The following GRIN2A variants were observed in gnomAD, a reference collection of about 807,000 sequenced individuals.
GRIN2A encodes glutamate ionotropic receptor NMDA type subunit 2A, also known as glutamate receptor ionotropic, NMDA 2A.
GRIN2A carries 22 observed loss-of-function variants against 113.4 expected under a neutral mutation model. The observed-to-expected ratio is 0.19, with a 90% confidence interval of 0.14 to 0.28. GRIN2A has a LOEUF of 0.28. Among genes scored for constraint, GRIN2A ranks in the 10% least tolerant of loss-of-function variants. The pLI is 1.00. For synonymous variants in GRIN2A, 827 were observed against 738.4 expected (o/e 1.12, Z -1.94); for missense variants, 1,502 against 1,887.0 (o/e 0.80, Z 3.78).
In GRIN2A at chr16:10,099,291, G is replaced by A. The variant is rs1239103765; in HGVS notation, c.414+80707C>T. On this transcript the variant is annotated intron_variant, in intron 2 of 12. Transcript: ENST00000330684. ...AAAGCTTGGTGTTTTCATTCCAGAA[G>A]AAACTCCTTTTAATGCTGCAAGCAG... Among the ~76,000 whole-genome samples the A allele has an allele frequency of 2.0e-5, 3 of 152,180 alleles. No homozygotes were observed. In the East Asian group the frequency reaches 5.8e-4, roughly 29 times the overall value.
intron 2 of GRIN2A, among the ~76,000 whole-genome samples, chr16:10,147,706 G>A (rs1053378204): frequency 6.6e-6 from 1 of 151,556 alleles, no homozygotes; most frequent in African/African-American, 2.4e-5. Context: ...TCATGAGGAG[G>A]ATCACCCCAA....
Position 10,180,854 on chromosome 16 carries a change from C to G in GRIN2A, c.-18-425G>C, listed in dbSNP as rs2050254854. 2.3e-5 allele frequency: 5 copies of G among 215,790 alleles called. No homozygotes were observed. In the South Asian group the frequency reaches 3.2e-4, roughly 14 times the overall value. The allele number at this position is 215,790 out of a possible 1,614,324, so 13.4% of individuals were successfully genotyped here. On this transcript the variant is annotated intron_variant, in intron 1 of 12. Coordinates refer to ENST00000330684, the MANE Select transcript of GRIN2A (RefSeq NM_001134407.3). This position sits in a 1 kb window ranked among gnomAD's most constrained non-coding sequence, Gnocchi z 7.0. ...CCCCTCCCACCTGGGATAGAGAGGA[C>G]CAAGTTATCAACCCCGCCCCCTGCT...
chr16:9,862,318 T>C (rs1448871487), intron 4 of GRIN2A, among the ~76,000 whole-genome samples: 2 of 152,224 alleles, frequency 1.3e-5, no homozygotes, highest in Non-Finnish European at 2.9e-5. Flanking sequence ...ATTGGAGAAG[T>C]AGATTTTTTT....
At chr16:9,899,732 A>G (rs981213892) in intron 3 of GRIN2A, among the ~76,000 whole-genome samples, 7 of 152,124 alleles carry the variant, frequency 4.6e-5, no homozygotes, top group African/African-American at 1.7e-4. Flanking sequence ...CAACTCTAAA[A>G]CACCTAGAAG....
chr16:9,783,687 G>A (rs1463286408), intron 11 of GRIN2A, among the ~76,000 whole-genome samples: 1 of 152,124 alleles, frequency 6.6e-6, no homozygotes, highest in East Asian at 1.9e-4. Flanking sequence ...TAAAACTCAG[G>A]GCAAAGATTC....
At chr16:10,122,545 C>T (rs1214631472) in intron 2 of GRIN2A, among the ~76,000 whole-genome samples, 1 of 152,086 alleles carries the variant, frequency 6.6e-6, no homozygotes, top group Non-Finnish European at 1.5e-5. Flanking sequence ...CAGAAAGTTT[C>T]GCTTTGATTA....
intron 3 of GRIN2A, among the ~76,000 whole-genome samples, chr16:9,927,078 T>A (rs2044482082): frequency 6.6e-6 from 1 of 152,198 alleles, no homozygotes; most frequent in Non-Finnish European, 1.5e-5. Flanking sequence ...ACTTCTCTAG[T>A]CCTGTTTACT....
chr16:9,796,596 A>G (rs969457159), intron 11 of GRIN2A, among the ~76,000 whole-genome samples: 3 of 152,238 alleles, frequency 2.0e-5, no homozygotes, highest in Non-Finnish European at 4.4e-5. Flanking sequence ...CAGTGGCTTG[A>G]AATGTGCATG....
At chr16:9,934,202 G>T (rs895644323) in intron 3 of GRIN2A, among the ~76,000 whole-genome samples, 1 of 152,006 alleles carries the variant, frequency 6.6e-6, no homozygotes, top group South Asian at 2.1e-4. Context: ...GTTGTTTTCT[G>T]TACTATTCTT....
chr16:9,856,369 C>A (rs2042967563), intron 4 of GRIN2A, among the ~76,000 whole-genome samples: 1 of 152,026 alleles, frequency 6.6e-6, no homozygotes, highest in South Asian at 2.1e-4. Context: ...GCCTGTAATC[C>A]CAGCACTTTG....
chr16:10,098,941 C>CA (rs202242953), intron 2 of GRIN2A, among the ~76,000 whole-genome samples: 1,583 of 125,890 alleles, frequency 0.013, 48 homozygotes, highest in East Asian at 0.093. Context: ...CCTCCCCCCC[C>CA]CAAAAAAAAC....
rs886043129 is a variant in GRIN2A, at chr16:9,763,731, C to G, written c.3813G>C (p.Trp1271Cys). The change falls in exon 13 of 13, where the codon TGG (tryptophan) becomes TGC (cysteine). Residue 1271 changes from tryptophan to cysteine, a missense_variant. Trp to Cys is a radical substitution (Grantham distance 215). Coordinates refer to ENST00000330684, the MANE Select transcript of GRIN2A (RefSeq NM_001134407.3). Reference protein sequence around the residue: ...ATGEQVYQQDWAQNNALQLQK... With the variant: ...ATGEQVYQQDCAQNNALQLQK... The stretch of plus-strand genomic sequence containing the variant: ...GTAATTGAAGGGCATTGTTCTGTGC[C>G]CAGTCCTGCTGGTAGACCTGCTCCC... The G allele has an allele frequency of 6.2e-7, 1 of 1,614,068 alleles. No homozygotes were observed. Among genetic ancestry groups the G allele is most frequent in the Non-Finnish European group, 8.5e-7 (1 of 1,180,008 alleles).
intron 2 of GRIN2A, chr16:9,943,259 T>A (rs1337742001): frequency 6.6e-6 from 1 of 152,184 alleles, no homozygotes; most frequent in African/African-American, 2.4e-5. Flanking sequence ...CCACTTTGGT[T>A]CTGAAGCAAA....
At chr16:10,070,555 G>T (rs1284370631) in intron 2 of GRIN2A, among the ~76,000 whole-genome samples, 1 of 152,084 alleles carries the variant, frequency 6.6e-6, no homozygotes, top group African/African-American at 2.4e-5. Context: ...GGGATGATTT[G>T]TTCTTAAACT....
At chr16:10,051,887 G>A (rs185928095) in intron 2 of GRIN2A, among the ~76,000 whole-genome samples, 16 of 152,292 alleles carry the variant, frequency 1.1e-4, no homozygotes, top group Admixed American at 9.2e-4. Flanking sequence ...GGATTAGGTA[G>A]GTATTTTGTA....
rs144647792 is a variant in GRIN2A, at chr16:9,931,151, A to G, written c.1007+6808T>C. ...AGCTCTTCTACTTGATTTCCAGTGC[A>G]GTAACTTCTCCATGTCCTACTTCCC... is the stretch of plus-strand genomic sequence containing the variant. On this transcript the variant is annotated intron_variant, in intron 3 of 12. Transcript: ENST00000330684. 6.1e-4 allele frequency among the ~76,000 whole-genome samples: 93 copies of G among 152,242 alleles called. 1 individual carries two copies. In the East Asian group the frequency reaches 0.017, roughly 28 times the overall value.
At chr16:10,140,319 C>T (rs1375721331) in intron 2 of GRIN2A, among the ~76,000 whole-genome samples, 1 of 151,908 alleles carries the variant, frequency 6.6e-6, no homozygotes, top group Non-Finnish European at 1.5e-5. Flanking sequence ...TAAGAAGAGT[C>T]CCTGGTGAAG....
chr16:10,086,997 G>A (rs2048098032), intron 2 of GRIN2A, among the ~76,000 whole-genome samples: 1 of 152,322 alleles, frequency 6.6e-6, no homozygotes, highest in African/African-American at 2.4e-5. Context: ...GGTGTGTGTG[G>A]ATTACCATGA....
rs1461901808 is a variant in GRIN2A at position 9,763,936 on chromosome 16, G to A, written c.3608C>T (p.Thr1203Ile). 3 of 1,613,968 alleles carry A rather than the reference G, an allele frequency of 1.9e-6. No individual in the cohort carries two copies. The highest frequency in any genetic ancestry group is 4.5e-5 in the East Asian group (2 of 44,866). Reference sequence around the variant, plus strand: ...GGAGTTCTGCCGGTATCGCTCGCTGGTCTCACTGTGCGGGGAACCCTTGTC... The same window carrying A: ...GGAGTTCTGCCGGTATCGCTCGCTGATCTCACTGTGCGGGGAACCCTTGTC... ...LKDKGSPHSE[T>I]SERYRQNSTH... Residue 1203 changes from threonine (T) to isoleucine (I), a missense_variant, in exon 13 of 13, where the codon ACC becomes ATC. Physicochemically the swap from Thr to Ile is moderately conservative, Grantham distance 89 (BLOSUM62 -1). Coordinates refer to ENST00000330684, the MANE Select transcript of GRIN2A (RefSeq NM_001134407.3).
Sources: allele counts gnomAD v4.1 joint callset (sites outside exome capture counted in the v4.1 genomes callset), GRCh38; gene constraint gnomAD v4.1.1; non-coding constraint Gnocchi (gnomAD v3.1); transcripts MANE v1.5; gene names NCBI Gene and HGNC (gene_info 2026-07-23, HGNC 2026-07-21).